The following LRRC1 variants were observed in gnomAD, a reference collection of about 807,000 sequenced individuals.
LRRC1 encodes leucine-rich repeat-containing protein 1.
LRRC1 carries 28 observed loss-of-function variants against 69.9 expected under a neutral mutation model. That is an observed-to-expected ratio of 0.40 (90% CI 0.30 to 0.55). LRRC1 has a LOEUF of 0.55. Ranked by LOEUF, LRRC1 falls within the 20% of genes least tolerant of loss-of-function variation. The pLI is 0.47. For synonymous variants in LRRC1, 236 were observed against 240.2 expected (o/e 0.98, Z 0.16); for missense variants, 498 against 609.0 (o/e 0.82, Z 1.92).
At chr6:53,797,710 C>G (rs918796843) in intron 1 of LRRC1, among the ~76,000 whole-genome samples, 2 of 152,192 alleles carry the variant, frequency 1.3e-5, no homozygotes, top group Non-Finnish European at 2.9e-5. Context: ...AGCAAAGATG[C>G]ACTCTCCAGG....
chr6:53,799,969 G>A (rs775026528), intron 1 of LRRC1, among the ~76,000 whole-genome samples: 2 of 152,128 alleles, frequency 1.3e-5, no homozygotes, highest in African/African-American at 2.4e-5. Context: ...TATGTTGTGC[G>A]TTGCTGGTTG....
At chr6:53,919,752 C>T (rs1372112407) in intron 12 of LRRC1, 82 bp downstream of exon 12, 2 of 1,265,836 alleles carry the variant, frequency 1.6e-6, no homozygotes, top group African/African-American at 1.5e-5. Flanking sequence ...CTCTTACTCC[C>T]TCATGTGATT....
intron 1 of LRRC1, among the ~76,000 whole-genome samples, chr6:53,827,130 C>G (rs1161234344): frequency 6.6e-6 from 1 of 152,084 alleles, no homozygotes; most frequent in Non-Finnish European, 1.5e-5. Flanking sequence ...TAACAGTTGC[C>G]TCAGTAATTC....
chr6:53,801,365 T>C (rs1326457012), intron 1 of LRRC1, among the ~76,000 whole-genome samples: 2 of 152,252 alleles, frequency 1.3e-5, no homozygotes. Context: ...TTAAAAAGTG[T>C]TTACCTTATA....
At chr6:53,847,843 A>T (rs912772244) in intron 2 of LRRC1, among the ~76,000 whole-genome samples, 4 of 152,186 alleles carry the variant, frequency 2.6e-5, no homozygotes, top group African/African-American at 4.8e-5. Context: ...GCAAGTGGTA[A>T]CTCTAGTGTG....
chr6:53,899,256 C>T (rs564267696), intron 7 of LRRC1, among the ~76,000 whole-genome samples: 1 of 152,192 alleles, frequency 6.6e-6, no homozygotes, highest in South Asian at 2.1e-4. Context: ...ATGTATGTTC[C>T]GGTTTTGCTG....
At chr6:53,901,694 T>A (rs1283068936) in intron 8 of LRRC1, among the ~76,000 whole-genome samples, 1 of 152,216 alleles carries the variant, frequency 6.6e-6, no homozygotes, top group African/African-American at 2.4e-5. Context: ...TTTCGGTGCT[T>A]GGCTGTGCTA....
chr6:53,840,884 TTGTGTGTGTGTGTGTGTG>T (rs57491487), intron 1 of LRRC1, among the ~76,000 whole-genome samples: 9 of 125,232 alleles, frequency 7.2e-5, no homozygotes, highest in East Asian at 2.4e-4. Context: ...GGGTATGTGT[TTGTGTGTGTGTGTGTGTG>T]TGTGTGTGTG....
rs143120283 is a variant in LRRC1 at position 53,865,933 on chromosome 6, G to A, written c.278-13060G>A. ...GATGGGGTTTCACCATGTTGGCCAGGATGCTTTCGACCTCCTGACATTGTG... is the reference window on the plus strand; with the variant it reads ...GATGGGGTTTCACCATGTTGGCCAGAATGCTTTCGACCTCCTGACATTGTG... On this transcript the variant is annotated intron_variant, in intron 2 of 13. Transcript: ENST00000370888. Among the ~76,000 whole-genome samples, 71 of 152,088 alleles carry A rather than the reference G, an allele frequency of 4.7e-4. 1 individual carries two copies. The East Asian group carries it at 0.012, about 27-fold the overall frequency.
chr6:53,847,149 A>G (rs979706598), intron 2 of LRRC1, among the ~76,000 whole-genome samples: 1 of 152,116 alleles, frequency 6.6e-6, no homozygotes, highest in East Asian at 1.9e-4. Flanking sequence ...TTTCAATTTT[A>G]TTCCTTTTGG....
chr6:53,851,721 G>T (rs899074984), intron 2 of LRRC1, among the ~76,000 whole-genome samples: 1 of 151,366 alleles, frequency 6.6e-6, no homozygotes, highest in Non-Finnish European at 1.5e-5. Flanking sequence ...ACACACATGC[G>T]CACACACACA....
intron 1 of LRRC1, among the ~76,000 whole-genome samples, chr6:53,822,218 A>G (rs139071854): frequency 7.0e-4 from 106 of 152,230 alleles, no homozygotes; most frequent in Middle Eastern, 3.4e-3. Flanking sequence ...GTTGGGGAGG[A>G]TACAGCAATA....
intron 1 of LRRC1, among the ~76,000 whole-genome samples, chr6:53,797,625 C>A (rs1457430161): frequency 6.6e-6 from 1 of 152,168 alleles, no homozygotes. Context: ...GGTGGCCATA[C>A]CAGCTGTATG....
intron 10 of LRRC1, among the ~76,000 whole-genome samples, chr6:53,912,525 A>G (rs1768444703): frequency 1.3e-5 from 2 of 152,172 alleles, no homozygotes; most frequent in African/African-American, 4.8e-5. Context: ...TTTCCACATG[A>G]CCAGAGACAA....
intron 8 of LRRC1, among the ~76,000 whole-genome samples, chr6:53,902,423 C>T (rs1384591972): frequency 6.6e-6 from 1 of 152,132 alleles, no homozygotes; most frequent in African/African-American, 2.4e-5. Flanking sequence ...TTATTGCTGA[C>T]CGTTTTTGAT....
intron 1 of LRRC1, 66 bp from the exon 2 acceptor site, chr6:53,842,044 A>T (rs565500299): frequency 4.0e-6 from 4 of 998,988 alleles, no homozygotes; most frequent in Non-Finnish European, 3.1e-6. Context: ...TTTACATTTC[A>T]TAGTAGCCCA....
At chr6:53,872,389 A>G (rs1392084652) in intron 2 of LRRC1, among the ~76,000 whole-genome samples, 1 of 152,122 alleles carries the variant, frequency 6.6e-6, no homozygotes, top group Non-Finnish European at 1.5e-5. Context: ...CCCAATTTGT[A>G]GTGAGTGGAT....
At chr6:53,892,007 T>C (rs1767715432) in intron 4 of LRRC1, among the ~76,000 whole-genome samples, 3 of 67,250 alleles carry the variant, frequency 4.5e-5, no homozygotes, top group South Asian at 1.1e-3. Flanking sequence ...AAAATATATA[T>C]ATATACACAC....
chr6:53,858,984 A>G (rs144909752), intron 2 of LRRC1, among the ~76,000 whole-genome samples: 229 of 152,334 alleles, frequency 1.5e-3, no homozygotes, highest in African/African-American at 5.2e-3. Flanking sequence ...ATTAGTTCTT[A>G]TATTACTTCT....
Sources: allele counts gnomAD v4.1 joint callset (sites outside exome capture counted in the v4.1 genomes callset), GRCh38; gene constraint gnomAD v4.1.1; transcripts MANE v1.5; gene names NCBI Gene and HGNC (gene_info 2026-07-23, HGNC 2026-07-21).